PDE8B: variants seen among roughly 807,000 people sequenced by gnomAD.
PDE8B encodes the protein high affinity cAMP-specific and IBMX-insensitive 3',5'-cyclic phosphodiesterase 8B.
PDE8B carries 26 observed loss-of-function variants against 101.3 expected under a neutral mutation model. The ratio of observed to expected loss-of-function variants is 0.26; its 90% CI spans 0.19 to 0.36. The LOEUF is 0.36. Among genes scored for constraint, PDE8B ranks in the 10% least tolerant of loss-of-function variants. The probability of loss-of-function intolerance (pLI) is 1.00; values close to 1 mark genes in which losing one functional copy is unlikely to be tolerated. For missense variants in PDE8B, 810 were observed against 1,163.1 expected (o/e 0.70, Z 4.42); for synonymous variants, 424 against 429.3 (o/e 0.99, Z 0.15).
chr5:77,181,001 T>TGTGTGTGTGTGTGTG, the PDE8B span, among the ~76,000 whole-genome samples: 1 of 146,956 alleles, frequency 6.8e-6, no homozygotes, highest in Admixed American at 6.7e-5. Context: ...TGTGTGTGTG[T>TGTGTGTGTGTGTGTG]TTGCGCGCGC....
chr5:77,107,501 G>T, the PDE8B span, among the ~76,000 whole-genome samples: 4 of 152,122 alleles, frequency 2.6e-5, no homozygotes, highest in East Asian at 7.7e-4. Flanking sequence ...TCCAATATCT[G>T]TGTCTTTTCT....
chr5:77,336,941 A>G (rs908671337), intron 5 of PDE8B, among the ~76,000 whole-genome samples: 3 of 152,204 alleles, frequency 2.0e-5, no homozygotes, highest in African/African-American at 7.2e-5. Context: ...TGTTTCAGTC[A>G]TTTACATGGC....
the PDE8B span, among the ~76,000 whole-genome samples, chr5:77,160,298 G>C: frequency 6.6e-6 from 1 of 152,066 alleles, no homozygotes; most frequent in Non-Finnish European, 1.5e-5. Context: ...GCATGCATTG[G>C]GGATTGGTTC....
chr5:77,368,657 T>G (rs1265350295), intron 10 of PDE8B, among the ~76,000 whole-genome samples: 1 of 152,196 alleles, frequency 6.6e-6, no homozygotes, highest in Non-Finnish European at 1.5e-5. Flanking sequence ...CCCAAGGGCC[T>G]TACACGGTGC....
chr5:77,231,300 G>A lies in PDE8B; in HGVS notation c.339+20036G>A, dbSNP rs76880278. 3.3e-3 allele frequency among the ~76,000 whole-genome samples: 503 copies of A among 152,332 alleles called. 1 individual carries two copies. The highest frequency in any genetic ancestry group is 0.011 in the African/African-American group (455 of 41,578). On this transcript the variant is annotated intron_variant, in intron 1 of 21. Coordinates refer to ENST00000264917, the MANE Select transcript of PDE8B (RefSeq NM_003719.5). ...CTACAAAGACCCAGCTTAAAAGGAAGTAGGGGAAAGTGTGTGGGAACTTCC... is the reference window on the plus strand; with the variant it reads ...CTACAAAGACCCAGCTTAAAAGGAAATAGGGGAAAGTGTGTGGGAACTTCC...
chr5:77,115,389 C>T, the PDE8B span: 2 of 152,116 alleles, frequency 1.3e-5, no homozygotes, highest in African/African-American at 4.8e-5. Flanking sequence ...CCCTACAAAG[C>T]ATACTAGGAA....
the PDE8B span, among the ~76,000 whole-genome samples, chr5:77,096,832 T>C: frequency 1.3e-5 from 2 of 152,176 alleles, no homozygotes; most frequent in Non-Finnish European, 2.9e-5. Flanking sequence ...ACCGGTTATA[T>C]TGGATTAGGA....
chr5:77,214,786 G>T (rs527982464), intron 1 of PDE8B, among the ~76,000 whole-genome samples: 6 of 152,112 alleles, frequency 3.9e-5, no homozygotes, highest in Non-Finnish European at 8.8e-5. Flanking sequence ...AATATAGATT[G>T]CTGGACTCCA....
In PDE8B at chr5:77,258,978, A is replaced by G. The variant is rs1286959049; in HGVS notation, c.339+47714A>G. 3.3e-5 allele frequency among the ~76,000 whole-genome samples: 5 copies of G among 150,060 alleles called. No individual in the cohort carries two copies. The East Asian group carries it at 9.9e-4, about 30-fold the overall frequency. ...TCTAACTCTCTCTCTTTAGGTACTGAATACCTTCTCTCATGGAATACTTTG... is the reference window on the plus strand; with the variant it reads ...TCTAACTCTCTCTCTTTAGGTACTGGATACCTTCTCTCATGGAATACTTTG... On this transcript the variant is annotated intron_variant, in intron 1 of 21. Coordinates refer to ENST00000264917, the MANE Select transcript of PDE8B (RefSeq NM_003719.5).
At chr5:77,141,728 A>G in the PDE8B span, 1 of 152,210 alleles carries the variant, frequency 6.6e-6, no homozygotes, top group South Asian at 2.1e-4. Flanking sequence ...TCCTACCGCC[A>G]ATACCATGAC....
chr5:77,416,785 C>T (rs894475180), intron 17 of PDE8B, among the ~76,000 whole-genome samples: 1 of 152,198 alleles, frequency 6.6e-6, no homozygotes, highest in African/African-American at 2.4e-5. Flanking sequence ...TCACCTTCCT[C>T]ACCTGAGTAG....
Position 77,409,029 on chromosome 5 carries a change from C to T in PDE8B, c.1502C>T (p.Thr501Ile), listed in dbSNP as rs756966733. 2 of 1,613,816 alleles carry T rather than the reference C, an allele frequency of 1.2e-6. No individual in the cohort carries two copies. Among genetic ancestry groups the T allele is most frequent in the Non-Finnish European group, 1.7e-6 (2 of 1,179,722 alleles). The change falls in exon 14 of 22, where the codon ACC (threonine) becomes ATC (isoleucine). Residue 501 changes from threonine (T) to isoleucine (I), a missense_variant. Transcript: ENST00000264917. ...QLGTKDEDPH[T>I]SDLVGGLMTD... is the part of the protein sequence containing the mutation. Reference sequence around the variant, plus strand: ...GGTACCAAAGATGAAGATCCCCACACCAGTGATCTTGTTGGAGGCCTGATG... The same window carrying T: ...GGTACCAAAGATGAAGATCCCCACATCAGTGATCTTGTTGGAGGCCTGATG...
chr5:77,137,533 C>T, the PDE8B span, among the ~76,000 whole-genome samples: 1 of 152,202 alleles, frequency 6.6e-6, no homozygotes, highest in Non-Finnish European at 1.5e-5. Context: ...CCAAGCTATT[C>T]TAGTGGCCAT....
At chr5:77,413,891 C>T (rs1350795522) in intron 17 of PDE8B, among the ~76,000 whole-genome samples, 1 of 152,128 alleles carries the variant, frequency 6.6e-6, no homozygotes, top group Non-Finnish European at 1.5e-5. Flanking sequence ...CCCTAGGAAC[C>T]CCTTGCCCTT....
chr5:77,352,010 C>G (rs1168141514), intron 9 of PDE8B, among the ~76,000 whole-genome samples: 1 of 152,226 alleles, frequency 6.6e-6, no homozygotes, highest in South Asian at 2.1e-4. Flanking sequence ...TGTTTCCCCT[C>G]CAATTTTGGT....
intron 1 of PDE8B, among the ~76,000 whole-genome samples, chr5:77,243,449 A>G (rs943044171): frequency 2.0e-5 from 3 of 152,200 alleles, no homozygotes; most frequent in Non-Finnish European, 4.4e-5. Flanking sequence ...CATCACTACA[A>G]TCTAGTTTTA....
chr5:77,227,597 T>A (rs1053874656), intron 1 of PDE8B, among the ~76,000 whole-genome samples: 1 of 151,538 alleles, frequency 6.6e-6, no homozygotes, highest in African/African-American at 2.4e-5. Context: ...ATATAAAGAG[T>A]GGAGGTGTGC....
At chr5:77,201,054 TA>T in the PDE8B span, among the ~76,000 whole-genome samples, 1 of 152,180 alleles carries the variant, frequency 6.6e-6, no homozygotes, top group East Asian at 1.9e-4. Flanking sequence ...CAGAAGGTAC[TA>T]AAGAAGCAGG....
In PDE8B at chr5:77,413,730, A is replaced by G. The variant is rs541079767; in HGVS notation, c.1911+421A>G. 4.6e-5 allele frequency among the ~76,000 whole-genome samples: 7 copies of G among 152,298 alleles called. No homozygotes were observed. In the East Asian group the frequency reaches 1.4e-3, roughly 29 times the overall value. The stretch of plus-strand genomic sequence containing the variant: ...TAATAATAGCCATTCCGCATTCTAC[A>G]CTGTTTTACATATATTTATGTTTGT... On this transcript the variant is annotated intron_variant, in intron 17 of 21. Transcript: ENST00000264917.
Sources: allele counts gnomAD v4.1 joint callset (sites outside exome capture counted in the v4.1 genomes callset), GRCh38; gene constraint gnomAD v4.1.1; transcripts MANE v1.5; gene names NCBI Gene and HGNC (gene_info 2026-07-23, HGNC 2026-07-21).